The following SH3RF3 variants were observed in gnomAD, a reference collection of about 807,000 sequenced individuals.
SH3RF3 encodes E3 ubiquitin-protein ligase SH3RF3.
Under a neutral mutation model 66.3 loss-of-function variants are expected in SH3RF3, and 29 were observed. That is an observed-to-expected ratio of 0.44 (90% CI 0.33 to 0.60). The LOEUF is 0.60. SH3RF3 is among the 20% of genes least tolerant of loss of function. The pLI is 0.04. For missense variants in SH3RF3, 1,194 were observed against 1,190.9 expected (o/e 1.00, Z -0.04); for synonymous variants, 583 against 532.0 (o/e 1.10, Z -1.32).
intron 1 of SH3RF3, among the ~76,000 whole-genome samples, chr2:109,149,710 T>C (rs1169785266): frequency 1.3e-5 from 2 of 152,190 alleles, no homozygotes; most frequent in Admixed American, 1.3e-4. Flanking sequence ...GGCCTCGTGG[T>C]GCTTACGTTC....
At chr2:109,322,268 T>C (rs2105462272) in intron 1 of SH3RF3, among the ~76,000 whole-genome samples, 1 of 152,310 alleles carries the variant, frequency 6.6e-6, no homozygotes, top group Non-Finnish European at 1.5e-5. Context: ...TTGCATTTCC[T>C]GTTGAAGTCA....
At chr2:109,395,509 G>C (rs1187476694) in intron 3 of SH3RF3, among the ~76,000 whole-genome samples, 4 of 152,172 alleles carry the variant, frequency 2.6e-5, no homozygotes, top group Admixed American at 6.5e-5. Flanking sequence ...TGAGGCAGGA[G>C]CTCTTACTTC....
intron 1 of SH3RF3, among the ~76,000 whole-genome samples, chr2:109,314,807 C>G (rs1389426328): frequency 6.6e-6 from 1 of 152,172 alleles, no homozygotes; most frequent in Non-Finnish European, 1.5e-5. Context: ...ACAGTACTGG[C>G]ATCATATTTC....
intron 1 of SH3RF3, among the ~76,000 whole-genome samples, chr2:109,257,215 T>C (rs1680241674): frequency 6.6e-6 from 1 of 152,104 alleles, no homozygotes; most frequent in African/African-American, 2.4e-5. Context: ...TGACGGTAAG[T>C]CCTTCTTGGA....
At chr2:109,335,238 G>T (rs1396052632) in intron 1 of SH3RF3, among the ~76,000 whole-genome samples, 2 of 152,224 alleles carry the variant, frequency 1.3e-5, no homozygotes, top group Non-Finnish European at 2.9e-5. Flanking sequence ...GGGACTGTGG[G>T]GCAAGGCCCC....
chr2:109,467,177 C>T (rs1678375369), intron 8 of SH3RF3, among the ~76,000 whole-genome samples: 1 of 152,356 alleles, frequency 6.6e-6, no homozygotes, highest in South Asian at 2.1e-4. Context: ...CACAAAGGCT[C>T]CTGCATGAGG....
chr2:109,166,510 A>C (rs1259681564), intron 1 of SH3RF3, among the ~76,000 whole-genome samples: 1 of 151,702 alleles, frequency 6.6e-6, no homozygotes, highest in South Asian at 2.1e-4. Flanking sequence ...TGTCAAGCTC[A>C]TTGGTAGTGT....
intron 1 of SH3RF3, among the ~76,000 whole-genome samples, chr2:109,131,312 G>A (rs1481712307): frequency 2.6e-5 from 4 of 152,096 alleles, no homozygotes; most frequent in African/African-American, 7.2e-5. Flanking sequence ...GGGGTCACTT[G>A]GGGGGCACTG....
chr2:109,430,482 C>T (rs539485190), intron 5 of SH3RF3, among the ~76,000 whole-genome samples: 2 of 152,008 alleles, frequency 1.3e-5, no homozygotes, highest in South Asian at 2.1e-4. Flanking sequence ...TTCCTCTGTC[C>T]TCTCCCCGTC....
intron 1 of SH3RF3, among the ~76,000 whole-genome samples, chr2:109,239,159 T>TC (rs147863483): frequency 0.01 from 1,524 of 152,236 alleles, 11 homozygotes; most frequent in South Asian, 0.023. Flanking sequence ...ACTTTGAGCT[T>TC]CCCCAGACCT....
chr2:109,240,137 G>T (rs1475409608), intron 1 of SH3RF3, among the ~76,000 whole-genome samples: 1 of 152,184 alleles, frequency 6.6e-6, no homozygotes, highest in Non-Finnish European at 1.5e-5. Flanking sequence ...ACTTGGCACT[G>T]CCCTCTCTTC....
At chr2:109,370,722 T>C (rs1683254214) in intron 2 of SH3RF3, among the ~76,000 whole-genome samples, 1 of 152,170 alleles carries the variant, frequency 6.6e-6, no homozygotes, top group Non-Finnish European at 1.5e-5. Context: ...CGATGACTGC[T>C]CATCTCCCAG....
chr2:109,335,800 C>T (rs983758179), intron 1 of SH3RF3, among the ~76,000 whole-genome samples: 21 of 152,166 alleles, frequency 1.4e-4, no homozygotes, highest in Non-Finnish European at 7.3e-5. Flanking sequence ...AAAACCACTT[C>T]CTACCTTACG....
intron 1 of SH3RF3, among the ~76,000 whole-genome samples, chr2:109,301,863 T>C (rs1681476887): frequency 6.6e-6 from 1 of 152,180 alleles, no homozygotes; most frequent in Non-Finnish European, 1.5e-5. Context: ...TTTGGACAAA[T>C]GGAGAGAAGT....
chr2:109,215,511 T>C (rs1679085094), intron 1 of SH3RF3, among the ~76,000 whole-genome samples: 1 of 152,056 alleles, frequency 6.6e-6, no homozygotes, highest in African/African-American at 2.4e-5. Context: ...CAGCAGTGTG[T>C]ACTCGGAGTG....
intron 1 of SH3RF3, among the ~76,000 whole-genome samples, chr2:109,272,002 T>C (rs2105320465): frequency 6.6e-6 from 1 of 152,330 alleles, no homozygotes; most frequent in South Asian, 2.1e-4. Flanking sequence ...GTACATCTGG[T>C]ATGGGTGAAC....
At chr2:109,461,414 C>T (rs1002940538) in intron 8 of SH3RF3, among the ~76,000 whole-genome samples, 3 of 151,344 alleles carry the variant, frequency 2.0e-5, no homozygotes, top group East Asian at 1.9e-4. Context: ...AAAGGCCCCA[C>T]GTAGCATCCC....
chr2:109,268,073 C>T (rs911355319), intron 1 of SH3RF3, among the ~76,000 whole-genome samples: 1 of 151,808 alleles, frequency 6.6e-6, no homozygotes, highest in Non-Finnish European at 1.5e-5. Flanking sequence ...CCCCTAATCC[C>T]ACCTGGAGCC....
chr2:109,263,663 C>A (rs1469147849), intron 1 of SH3RF3, among the ~76,000 whole-genome samples: 1 of 152,150 alleles, frequency 6.6e-6, no homozygotes, highest in East Asian at 1.9e-4. Context: ...AGAGACTGTA[C>A]TATTAATAGA....
Sources: gnomAD v4.1 joint callset for allele counts (sites outside exome capture counted in the v4.1 genomes callset) on GRCh38, gnomAD v4.1.1 for gene constraint, MANE v1.5 for transcripts, NCBI Gene and HGNC (gene_info 2026-07-23, HGNC 2026-07-21) for gene names.